Variants in MICU2 observed in about 807,000 individuals in gnomAD.
MICU2 encodes the protein mitochondrial calcium uptake 2, also known as calcium uptake protein 2, mitochondrial.
In MICU2, 64 loss-of-function variants were observed where a neutral mutation model predicts 60.4. That is an observed-to-expected ratio of 1.06 (90% CI 0.87 to 1.31). The LOEUF is 1.31. Among genes scored for constraint, MICU2 ranks in the 50% most tolerant of loss-of-function variants. The pLI, the probability that MICU2 is intolerant of heterozygous loss-of-function variation, is 0.00. For missense variants in MICU2, 569 were observed against 531.0 expected, an observed-to-expected ratio of 1.07 and a Z score of -0.70; for synonymous variants, 201 against 175.0, an observed-to-expected ratio of 1.15 and a Z score of -1.17.
chr13:21,581,407 T>G lies in MICU2; in HGVS notation c.211-14463A>C, dbSNP rs555319056. On this transcript the variant is annotated intron_variant, in intron 1 of 11. Transcript: ENST00000382374. The stretch of plus-strand genomic sequence containing the variant: ...TGCTGGGATTACAGGTGTGAGCCAC[T>G]ACTCTGCCTACAGCAGAGGTTGTTA... Among the ~76,000 whole-genome samples, 10 of 152,270 alleles carry G rather than the reference T, an allele frequency of 6.6e-5. No homozygotes were observed. The South Asian group carries it at 2.1e-3, about 32-fold the overall frequency.
At chr13:21,502,749 T>C (rs1886206979) in intron 9 of MICU2, 177 bp downstream of exon 9, 10 of 427,648 alleles carry the variant, frequency 2.3e-5, no homozygotes, top group Non-Finnish European at 3.7e-5. Context: ...GCTACACTGA[T>C]TCTGTCTTAG....
chr13:21,577,638 T>C (rs992981085), intron 1 of MICU2, among the ~76,000 whole-genome samples: 1 of 151,718 alleles, frequency 6.6e-6, no homozygotes, highest in African/African-American at 2.4e-5. Flanking sequence ...ACCCTGTCTC[T>C]ACAAAAATAC....
At chr13:21,557,097 T>C (rs764163450) in intron 2 of MICU2, among the ~76,000 whole-genome samples, 2 of 152,112 alleles carry the variant, frequency 1.3e-5, no homozygotes, top group Non-Finnish European at 2.9e-5. Flanking sequence ...TTGGGAATGA[T>C]GGGATAGTTG....
At chr13:21,530,842 G>A (rs1178053066) in intron 4 of MICU2, 21 of 726,974 alleles carry the variant, frequency 2.9e-5, no homozygotes, top group Middle Eastern at 2.9e-4. Context: ...CATGGACGAC[G>A]GGTTTCTGAG....
intron 4 of MICU2, among the ~76,000 whole-genome samples, chr13:21,533,134 A>G (rs968725285): frequency 5.9e-5 from 9 of 152,308 alleles, no homozygotes; most frequent in African/African-American, 2.2e-4. Flanking sequence ...TGCAGATGCA[A>G]CAGCAGATTT....
At chr13:21,516,254 C>G (rs1360211962) in intron 6 of MICU2, among the ~76,000 whole-genome samples, 1 of 152,084 alleles carries the variant, frequency 6.6e-6, no homozygotes, top group Non-Finnish European at 1.5e-5. Context: ...AGAGACAGTT[C>G]TGATTTTTTT....
At chr13:21,568,987 C>T (rs1238013281) in intron 1 of MICU2, among the ~76,000 whole-genome samples, 1 of 152,048 alleles carries the variant, frequency 6.6e-6, no homozygotes, top group African/African-American at 2.4e-5. Context: ...GAAGTGCCAT[C>T]TTACTGAGTT....
chr13:21,537,140 T>G (rs770675857), intron 4 of MICU2, among the ~76,000 whole-genome samples: 1 of 152,220 alleles, frequency 6.6e-6, no homozygotes, highest in Non-Finnish European at 1.5e-5. Context: ...TTTTAAATTT[T>G]TCTTCCTATT....
intron 2 of MICU2, among the ~76,000 whole-genome samples, chr13:21,540,754 AC>A (rs1291589653): frequency 3.9e-5 from 6 of 152,176 alleles, no homozygotes; most frequent in African/African-American, 1.2e-4. Flanking sequence ...CCAGCCAAAG[AC>A]AAAGAGCCCC....
At chr13:21,562,455 C>T (rs1180232249) in intron 2 of MICU2, among the ~76,000 whole-genome samples, 1 of 152,006 alleles carries the variant, frequency 6.6e-6, no homozygotes, top group Non-Finnish European at 1.5e-5. Context: ...TTTTTGTCTT[C>T]CACTCTTTTT....
At chr13:21,584,759 A>C (rs2138062011) in intron 1 of MICU2, among the ~76,000 whole-genome samples, 1 of 152,294 alleles carries the variant, frequency 6.6e-6, no homozygotes, top group Admixed American at 6.5e-5. Flanking sequence ...TTACTCTACC[A>C]AATATTTACT....
chr13:21,543,287 C>T (rs1233395329), intron 2 of MICU2, among the ~76,000 whole-genome samples: 2 of 152,148 alleles, frequency 1.3e-5, no homozygotes, highest in Non-Finnish European at 2.9e-5. Flanking sequence ...ATGCTCACCC[C>T]TTTTATTCAA....
At chr13:21,498,821 G>GAAA (rs71093318) in intron 9 of MICU2, among the ~76,000 whole-genome samples, 10 of 149,236 alleles carry the variant, frequency 6.7e-5, no homozygotes, top group Admixed American at 6.6e-4. Context: ...GGGAAAAAAG[G>GAAA]AAAAAAAAAA....
At chr13:21,539,994 C>T (rs1887242487) in intron 2 of MICU2, among the ~76,000 whole-genome samples, 1 of 152,082 alleles carries the variant, frequency 6.6e-6, no homozygotes, top group Non-Finnish European at 1.5e-5. Flanking sequence ...ATTATTAATT[C>T]TTGTCAAACA....
intron 4 of MICU2, among the ~76,000 whole-genome samples, chr13:21,527,630 T>C (rs1434799098): frequency 6.6e-6 from 1 of 152,238 alleles, no homozygotes; most frequent in African/African-American, 2.4e-5. Context: ...GAGAAACAGC[T>C]TAATATATAT....
intron 2 of MICU2, among the ~76,000 whole-genome samples, chr13:21,545,105 C>T (rs1887383562): frequency 6.6e-6 from 1 of 152,116 alleles, no homozygotes; most frequent in Non-Finnish European, 1.5e-5. Context: ...AAAAAACAAT[C>T]AATACATCAA....
At chr13:21,595,392 C>T (rs1012668077) in intron 1 of MICU2, among the ~76,000 whole-genome samples, 2 of 152,234 alleles carry the variant, frequency 1.3e-5, no homozygotes, top group African/African-American at 4.8e-5. Flanking sequence ...AGCCCAAAGG[C>T]CCTCACAGAC....
chr13:21,543,831 G>C (rs768811251), intron 2 of MICU2, among the ~76,000 whole-genome samples: 2 of 151,908 alleles, frequency 1.3e-5, no homozygotes, highest in Non-Finnish European at 2.9e-5. Flanking sequence ...AACTTCTATG[G>C]AACCACAAAA....
intron 4 of MICU2, among the ~76,000 whole-genome samples, chr13:21,527,945 T>G (rs757879705): frequency 6.6e-6 from 1 of 152,338 alleles, no homozygotes; most frequent in Admixed American, 6.5e-5. Flanking sequence ...GATGGAACCA[T>G]TCTAAAATAT....
Sources: gnomAD v4.1 joint callset for allele counts (sites outside exome capture counted in the v4.1 genomes callset) on GRCh38, gnomAD v4.1.1 for gene constraint, MANE v1.5 for transcripts, NCBI Gene and HGNC (gene_info 2026-07-23, HGNC 2026-07-21) for gene names.